Variants in HMGB1 observed in about 807,000 individuals in gnomAD.
HMGB1 encodes the protein high mobility group protein B1.
For missense variants in HMGB1, 79 were observed against 253.5 expected, an observed-to-expected ratio of 0.31 and a Z score of 4.67; for synonymous variants, 81 against 84.0, an observed-to-expected ratio of 0.96 and a Z score of 0.19.
rs975858381 is a variant in HMGB1 at position 30,458,899 on chromosome 13, T to C, written c.*2458A>G. ...ACTGTGGTAACTAATCAGCAATAGC[T>C]CTCAACCTTTGCACAGCAAAGTTAG... On this transcript the variant is annotated 3_prime_UTR_variant, in exon 5 of 5. Coordinates refer to ENST00000341423, the MANE Select transcript of HMGB1 (RefSeq NM_002128.7). 1 of 152,160 alleles carries C rather than the reference T, an allele frequency of 6.6e-6. No homozygotes were observed. Among genetic ancestry groups the C allele is most frequent in the African/African-American group, 2.4e-5 (1 of 41,424 alleles). 9.4% of individuals were successfully genotyped at this position (152,160 alleles called of 1,614,324 possible). A position where few individuals can be genotyped will look rare whatever the true frequency, so the allele number is the denominator to read the frequency against.
chr13:30,599,251 C>G (rs541079634), intron 1 of HMGB1, among the ~76,000 whole-genome samples: 1 of 152,140 alleles, frequency 6.6e-6, no homozygotes, highest in Non-Finnish European at 1.5e-5. Context: ...GGCGGATCAC[C>G]TGAGGTCAGG....
At chr13:30,522,089 G>A (rs1204508054) in intron 1 of HMGB1, among the ~76,000 whole-genome samples, 1 of 143,714 alleles carries the variant, frequency 7.0e-6, no homozygotes, top group Non-Finnish European at 1.5e-5. Context: ...CAGAATGTGA[G>A]TTAAAACATA....
chr13:30,606,331 C>T (rs1314468131), intron 1 of HMGB1, among the ~76,000 whole-genome samples: 1 of 152,110 alleles, frequency 6.6e-6, no homozygotes, highest in Non-Finnish European at 1.5e-5. Context: ...TTTATCATCA[C>T]TTATTAGCTC....
In HMGB1 at chr13:30,475,807, A is replaced by C. The variant is rs1887083343; in HGVS notation, c.-14-12113T>G. 2.0e-5 allele frequency among the ~76,000 whole-genome samples: 3 copies of C among 152,316 alleles called. No homozygotes were observed. The South Asian group carries it at 6.2e-4, about 32-fold the overall frequency. On this transcript the variant is annotated intron_variant, in intron 1 of 4. Coordinates refer to the HMGB1 transcript ENST00000405805. The stretch of plus-strand genomic sequence containing the variant: ...TGAGAGATCTGATAAGGTTGGGTTC[A>C]CATTTCCACATGGGGAGGATGGTTG...
chr13:30,551,805 A>T (rs1424429725), intron 1 of HMGB1, among the ~76,000 whole-genome samples: 1 of 152,030 alleles, frequency 6.6e-6, no homozygotes, highest in Admixed American at 6.6e-5. Flanking sequence ...TCCTGGGCTT[A>T]AGCAATCCTC....
chr13:30,551,974 G>T (rs956229913), intron 1 of HMGB1, among the ~76,000 whole-genome samples: 9 of 152,126 alleles, frequency 5.9e-5, no homozygotes, highest in Admixed American at 2.6e-4. Flanking sequence ...GATTCCAGGT[G>T]TGAGCCACTG....
intron 1 of HMGB1, among the ~76,000 whole-genome samples, chr13:30,591,577 C>A (rs1871376009): frequency 6.7e-6 from 1 of 150,086 alleles, no homozygotes; most frequent in South Asian, 2.1e-4. Flanking sequence ...GTGGCACAAT[C>A]TTGGCTCACT....
rs146618114 is a variant in HMGB1 at position 30,460,171 on chromosome 13, G to A, written c.*1186C>T. On this transcript the variant is annotated 3_prime_UTR_variant, in exon 5 of 5. Coordinates refer to ENST00000341423, the MANE Select transcript of HMGB1 (RefSeq NM_002128.7). The stretch of plus-strand genomic sequence containing the variant: ...TAAATTGAATAATTCATACTGAGAT[G>A]CAAAGTTTGTCTTCTTTCTTCCTAT... 4.9e-4 allele frequency: 74 copies of A among 151,884 alleles called. No individual in the cohort carries two copies. The highest frequency in any genetic ancestry group is 1.7e-3 in the African/African-American group (70 of 40,752). The allele number at this position is 151,884 out of a possible 1,614,324, so 9.4% of individuals were successfully genotyped here. A position where few individuals can be genotyped will look rare whatever the true frequency, so the allele number is the denominator to read the frequency against.
intron 1 of HMGB1, among the ~76,000 whole-genome samples, chr13:30,543,886 A>T (rs1869028211): frequency 6.6e-6 from 1 of 152,226 alleles, no homozygotes; most frequent in Non-Finnish European, 1.5e-5. Context: ...TCAATCTGGA[A>T]TCAAAATAAT....
At chr13:30,484,713 AAG>A (rs1887319644) in intron 1 of HMGB1, among the ~76,000 whole-genome samples, 2 of 152,056 alleles carry the variant, frequency 1.3e-5, no homozygotes, top group East Asian at 1.9e-4. Context: ...CAAAAAAAGA[AAG>A]AGAGAAAGAG....
At chr13:30,545,769 C>A (rs1044837881) in intron 1 of HMGB1, among the ~76,000 whole-genome samples, 7 of 152,146 alleles carry the variant, frequency 4.6e-5, no homozygotes, top group Admixed American at 1.3e-4. Context: ...AATCATGGAT[C>A]ACTGTAGCCT....
chr13:30,541,609 A>C (rs1868891572), intron 1 of HMGB1: 1 of 153,312 alleles, frequency 6.5e-6, no homozygotes, highest in Non-Finnish European at 1.5e-5. Context: ...CTTGAGTTCC[A>C]CATTTGGGAG....
At chr13:30,542,948 A>G (rs576932551) in intron 1 of HMGB1, 2 of 152,996 alleles carry the variant, frequency 1.3e-5, no homozygotes, top group East Asian at 3.9e-4. Flanking sequence ...AACACCTACA[A>G]TGTCAATGGA....
At chr13:30,471,470 C>T (rs1165538576) in intron 1 of HMGB1, among the ~76,000 whole-genome samples, 1 of 151,244 alleles carries the variant, frequency 6.6e-6, no homozygotes, top group Non-Finnish European at 1.5e-5. Context: ...GCCTCAGCCT[C>T]CCAAGTAGCA....
chr13:30,596,031 G>T (rs1297098526), intron 1 of HMGB1, among the ~76,000 whole-genome samples: 1 of 152,200 alleles, frequency 6.6e-6, no homozygotes, highest in Non-Finnish European at 1.5e-5. Flanking sequence ...CTACACAGAA[G>T]AGAAAACACC....
chr13:30,468,090 C>T (rs981805015), upstream of HMGB1, among the ~76,000 whole-genome samples: 9 of 152,136 alleles, frequency 5.9e-5, no homozygotes, highest in East Asian at 1.9e-4. Context: ...ATGGAGGGGA[C>T]CACAGGGTTG....
At chr13:30,508,439 G>A (rs905687514) in intron 1 of HMGB1, among the ~76,000 whole-genome samples, 33 of 152,062 alleles carry the variant, frequency 2.2e-4, no homozygotes, top group African/African-American at 7.2e-4. Context: ...TTGAACCTGG[G>A]AGGCAGAGGT....
intron 1 of HMGB1, among the ~76,000 whole-genome samples, chr13:30,597,906 A>C (rs776875578): frequency 1.3e-5 from 2 of 152,124 alleles, no homozygotes; most frequent in Non-Finnish European, 2.9e-5. Context: ...TCAGCATTCC[A>C]AGCCAAAGGA....
intron 1 of HMGB1, among the ~76,000 whole-genome samples, chr13:30,590,443 A>G (rs1476215717): frequency 6.6e-6 from 1 of 152,078 alleles, no homozygotes; most frequent in African/African-American, 2.4e-5. Context: ...CAAGTGATCC[A>G]CCTGCCTTGG....
Sources: allele counts gnomAD v4.1 joint callset (sites outside exome capture counted in the v4.1 genomes callset), GRCh38; gene constraint gnomAD v4.1.1; transcripts MANE v1.5; gene names NCBI Gene and HGNC (gene_info 2026-07-23, HGNC 2026-07-21).